The following GRIA2 variants were observed in gnomAD, a reference collection of about 807,000 sequenced individuals.
GRIA2 encodes the protein glutamate ionotropic receptor AMPA type subunit 2.
In GRIA2, 14 loss-of-function variants were observed where a neutral mutation model predicts 97.3. That is an observed-to-expected ratio of 0.14 (90% CI 0.10 to 0.23). The LOEUF is 0.23. GRIA2 is among the 10% of genes least tolerant of loss of function. The probability of loss-of-function intolerance (pLI) is 1.00; values close to 1 mark genes in which losing one functional copy is unlikely to be tolerated. For synonymous variants in GRIA2, 412 were observed against 387.8 expected, an observed-to-expected ratio of 1.06 and a Z score of -0.73; for missense variants, 558 against 1,069.8, an observed-to-expected ratio of 0.52 and a Z score of 6.67.
chr4:157,226,583 T>A (rs769006223), intron 2 of GRIA2, among the ~76,000 whole-genome samples: 1 of 152,134 alleles, frequency 6.6e-6, no homozygotes, highest in Non-Finnish European at 1.5e-5. Flanking sequence ...CACAAATTAC[T>A]GAGATTTTTG....
chr4:157,344,347 C>T (rs1054009729), intron 12 of GRIA2, among the ~76,000 whole-genome samples: 4 of 151,992 alleles, frequency 2.6e-5, no homozygotes, highest in Non-Finnish European at 5.9e-5. Context: ...CTCAACTTTC[C>T]TTTGGTCCTA....
chr4:157,283,187 C>A (rs1288912348), intron 2 of GRIA2, among the ~76,000 whole-genome samples: 1 of 151,904 alleles, frequency 6.6e-6, no homozygotes, highest in African/African-American at 2.4e-5. Flanking sequence ...CTGTAAGAGC[C>A]TCTCAAAGAG....
At chr4:157,230,058 C>G (rs994193668) in intron 2 of GRIA2, among the ~76,000 whole-genome samples, 4 of 152,008 alleles carry the variant, frequency 2.6e-5, no homozygotes, top group Non-Finnish European at 4.4e-5. Flanking sequence ...AGAATATGAC[C>G]TAAATTAATA....
intron 12 of GRIA2, among the ~76,000 whole-genome samples, chr4:157,350,322 T>G (rs2126970004): frequency 6.6e-6 from 1 of 152,266 alleles, no homozygotes; most frequent in South Asian, 2.1e-4. Context: ...TTTCATATAT[T>G]TTAATTGCAA....
At chr4:157,263,169 A>C (rs1425432480) in intron 2 of GRIA2, among the ~76,000 whole-genome samples, 1 of 152,086 alleles carries the variant, frequency 6.6e-6, no homozygotes, top group Admixed American at 6.6e-5. Flanking sequence ...TCTTCAATTT[A>C]AAGTGGTTGA....
intron 2 of GRIA2, among the ~76,000 whole-genome samples, chr4:157,238,841 A>G (rs1041793741): frequency 6.6e-6 from 1 of 152,106 alleles, no homozygotes; most frequent in Non-Finnish European, 1.5e-5. Context: ...AGTCTTTCAT[A>G]CCCTGTGCAT....
At chr4:157,306,437 T>G (rs1733848893) in intron 3 of GRIA2, among the ~76,000 whole-genome samples, 1 of 152,200 alleles carries the variant, frequency 6.6e-6, no homozygotes, top group Non-Finnish European at 1.5e-5. Flanking sequence ...TAATCTACAA[T>G]TATTAAATTA....
At chr4:157,320,866 T>A (rs1734530005) in intron 5 of GRIA2, among the ~76,000 whole-genome samples, 1 of 152,106 alleles carries the variant, frequency 6.6e-6, no homozygotes, top group Non-Finnish European at 1.5e-5. Flanking sequence ...TTCATTGCAA[T>A]AACACAAGAT....
chr4:157,308,525 C>A (rs1480683129), intron 3 of GRIA2, among the ~76,000 whole-genome samples: 1 of 152,080 alleles, frequency 6.6e-6, no homozygotes, highest in Admixed American at 6.6e-5. Context: ...TTTAGATGAT[C>A]AACTATGTAT....
rs67497887 is a variant in GRIA2 at position 157,298,611 on chromosome 4, C to CTTTTT, written c.230-4918_230-4914dup. Among the ~76,000 whole-genome samples, 184 of 34,318 alleles carry CTTTTT rather than the reference C, an allele frequency of 5.4e-3. 32 individuals are homozygous for CTTTTT. Among genetic ancestry groups the CTTTTT allele is most frequent in the South Asian group, 0.015 (8 of 526 alleles). The allele number at this position is 34,318 out of a possible 152,430, so 22.5% of individuals were successfully genotyped here. On this transcript the variant is annotated intron_variant, in intron 2 of 15. Transcript: ENST00000264426. ...TGGAAGGTGACAGATTGAAGCTAAG[C>CTTTTT]TTTTTTTTTTTTTTTTTTTTTTTTT...
chr4:157,338,049 T>TATAC (rs1491096751), intron 11 of GRIA2, among the ~76,000 whole-genome samples: 59 of 9,682 alleles, frequency 6.1e-3, no homozygotes, highest in Admixed American at 8.8e-3. Flanking sequence ...TATATATATA[T>TATAC]ACACACACAT....
chr4:157,258,121 A>G (rs1322718266), intron 2 of GRIA2, among the ~76,000 whole-genome samples: 1 of 151,984 alleles, frequency 6.6e-6, no homozygotes, highest in Non-Finnish European at 1.5e-5. Flanking sequence ...AACTACACAA[A>G]TTGTTTAAAC....
At position 157,356,746 on chromosome 4, in the gene GRIA2, AT is replaced by A. The variant is rs554114860; in HGVS notation, c.2044-3144del. 1.6e-3 allele frequency among the ~76,000 whole-genome samples: 246 copies of A among 152,216 alleles called. 2 individuals are homozygous for A. The highest frequency in any genetic ancestry group is 5.4e-3 in the African/African-American group (225 of 41,552). On this transcript the variant is annotated intron_variant, in intron 12 of 15. Transcript: ENST00000264426. ...TTAGTTGACCACATGGTATTACATT[AT>A]TTTTTAGTGTATTTGTAAATATATT...
intron 6 of GRIA2, among the ~76,000 whole-genome samples, chr4:157,323,363 A>G (rs1046077118): frequency 7.3e-5 from 11 of 149,688 alleles, no homozygotes; most frequent in African/African-American, 2.7e-4. Flanking sequence ...AAAAAAAAAA[A>G]AAAGACATAC....
chr4:157,318,014 A>C (rs1203405738), intron 5 of GRIA2, among the ~76,000 whole-genome samples: 7 of 152,114 alleles, frequency 4.6e-5, no homozygotes, highest in Non-Finnish European at 7.4e-5. Context: ...ATTATATTTG[A>C]TATATTAGAT....
At chr4:157,322,731 G>A (rs1235237055) in intron 6 of GRIA2, among the ~76,000 whole-genome samples, 1 of 152,150 alleles carries the variant, frequency 6.6e-6, no homozygotes, top group Non-Finnish European at 1.5e-5. Flanking sequence ...AAATTGTATA[G>A]TAATTTTGTT....
intron 2 of GRIA2, among the ~76,000 whole-genome samples, chr4:157,291,570 A>C (rs1233656903): frequency 6.6e-6 from 1 of 152,036 alleles, no homozygotes; most frequent in East Asian, 1.9e-4. Flanking sequence ...AAAGAGTTTA[A>C]TTATATACAT....
chr4:157,240,449 T>C (rs1730455294), intron 2 of GRIA2, among the ~76,000 whole-genome samples: 2 of 152,106 alleles, frequency 1.3e-5, no homozygotes, highest in African/African-American at 4.8e-5. Context: ...CACTGTGAAC[T>C]TTATCTTACA....
chr4:157,357,784 AT>A lies in GRIA2; in HGVS notation c.2044-2104del, dbSNP rs372608021. On this transcript the variant is annotated intron_variant, in intron 12 of 15. Transcript: ENST00000264426. ...AGCTGAGACGAAAGTAGCTAGGTCCATTTTTTTTCTAGATTGTATTTTAAAA... is the reference window on the plus strand; with the variant it reads ...AGCTGAGACGAAAGTAGCTAGGTCCATTTTTTTCTAGATTGTATTTTAAAA... Among the ~76,000 whole-genome samples, 90 of 151,986 alleles carry A rather than the reference AT, an allele frequency of 5.9e-4. 1 individual carries two copies. In the East Asian group the frequency reaches 0.014, roughly 23 times the overall value.
Sources: gnomAD v4.1 joint callset for allele counts (sites outside exome capture counted in the v4.1 genomes callset) on GRCh38, gnomAD v4.1.1 for gene constraint, MANE v1.5 for transcripts, NCBI Gene and HGNC (gene_info 2026-07-23, HGNC 2026-07-21) for gene names.